PARP4: variants seen among roughly 807,000 people sequenced by gnomAD.
PARP4 encodes the protein poly(ADP-ribose) polymerase family member 4, also known as protein mono-ADP-ribosyltransferase PARP4.
Under a neutral mutation model 187.7 loss-of-function variants are expected in PARP4, and 120 were observed. The observed-to-expected ratio is 0.64, with a 90% CI of 0.55 to 0.74. The LOEUF is 0.74. Among genes scored for constraint, PARP4 ranks in the 30% least tolerant of loss-of-function variants. PARP4 has a pLI of 0.00. For missense variants in PARP4, 1,836 were observed against 2,070.5 expected (o/e 0.89, Z 2.20); for synonymous variants, 654 against 740.9 (o/e 0.88, Z 1.90).
chr13:24,486,629 G>A (rs903207113), intron 10 of PARP4, among the ~76,000 whole-genome samples: 1 of 152,130 alleles, frequency 6.6e-6, no homozygotes, highest in Non-Finnish European at 1.5e-5. Flanking sequence ...AACAGAGCAA[G>A]ACCATGTCTT....
chr13:24,433,970 T>C (rs1227623045), intron 31 of PARP4, among the ~76,000 whole-genome samples: 1 of 152,182 alleles, frequency 6.6e-6, no homozygotes, highest in Non-Finnish European at 1.5e-5. Flanking sequence ...TGTATTCCCA[T>C]GACCTATGTG....
chr13:24,451,340 C>T (rs566769875), intron 24 of PARP4, among the ~76,000 whole-genome samples: 8 of 152,310 alleles, frequency 5.3e-5, no homozygotes, highest in African/African-American at 1.9e-4. Context: ...TCTTCATTGG[C>T]CTGTGATGCT....
chr13:24,496,690 G>A (rs1868975291), intron 6 of PARP4, among the ~76,000 whole-genome samples: 1 of 151,936 alleles, frequency 6.6e-6, no homozygotes, highest in African/African-American at 2.4e-5. Flanking sequence ...GGGCCTCTGT[G>A]AGGGCCACTC....
At chr13:24,486,064 C>A in intron 11 of PARP4, 104 bp downstream of exon 11, 1 of 962,846 alleles carries the variant, frequency 1.0e-6, no homozygotes, top group Non-Finnish European at 1.5e-6. Flanking sequence ...CTGATTTTAA[C>A]TGAAAAGACT....
rs9652082 is a variant in PARP4 at position 24,478,000 on chromosome 13, C to T, written c.1632+93G>A. On this transcript the variant is annotated intron_variant, in intron 13 of 33. Coordinates refer to ENST00000381989, the MANE Select transcript of PARP4 (RefSeq NM_006437.4). ...AGTAAATATATAACAATTATTTAAA[C>T]TTAAGCATATTTAATGAAAATAGGA... 3.3e-3 allele frequency: 3,668 copies of T among 1,095,446 alleles called. 89 individuals are homozygous for T. The African/African-American group carries it at 0.051, about 15-fold the overall frequency. 67.9% of individuals were successfully genotyped at this position (1,095,446 alleles called of 1,614,324 possible).
chr13:24,437,445 C>T (rs1295425808), intron 30 of PARP4, among the ~76,000 whole-genome samples: 6 of 151,696 alleles, frequency 4.0e-5, no homozygotes, highest in Admixed American at 2.6e-4. Flanking sequence ...TGTGGAATAC[C>T]GGGAAACAAA....
At chr13:24,469,257 G>A (rs996701417) in intron 16 of PARP4, 147 bp from the exon 17 acceptor site, 19 of 616,838 alleles carry the variant, frequency 3.1e-5, no homozygotes, top group South Asian at 3.9e-5. Flanking sequence ...AGTGATCATC[G>A]AAATATACTT....
At chr13:24,483,508 A>AAC (rs1255595193) in intron 12 of PARP4, among the ~76,000 whole-genome samples, 2 of 151,050 alleles carry the variant, frequency 1.3e-5, no homozygotes, top group East Asian at 3.9e-4. Context: ...AAAAAAAAAA[A>AAC]AGTTTTTTTT....
intron 32 of PARP4, among the ~76,000 whole-genome samples, chr13:24,428,888 AT>A (rs58747920): frequency 0.59 from 89,811 of 151,984 alleles, 26,666 homozygotes; most frequent in South Asian, 0.66. Flanking sequence ...TCTTTGATCA[AT>A]TTTACAAAAA....
rs1413310775 is a variant in PARP4, at chr13:24,486,797, C to A, written c.1215-492G>T. On this transcript the variant is annotated intron_variant, in intron 10 of 33. Coordinates refer to ENST00000381989, the MANE Select transcript of PARP4 (RefSeq NM_006437.4). Reference sequence around the variant, plus strand: ...TGAAACCCCGTCTCTCCTAAAAATACAAAAATTAGCAGGGCATGGTGGTGC... The same window carrying A: ...TGAAACCCCGTCTCTCCTAAAAATAAAAAAATTAGCAGGGCATGGTGGTGC... Among the ~76,000 whole-genome samples, 13 of 152,184 alleles carry A rather than the reference C, an allele frequency of 8.5e-5. No individual in the cohort carries two copies. In the East Asian group the frequency reaches 2.5e-3, roughly 29 times the overall value.
intron 17 of PARP4, among the ~76,000 whole-genome samples, chr13:24,468,066 T>A (rs977922546): frequency 1.3e-5 from 2 of 152,190 alleles, no homozygotes; most frequent in Non-Finnish European, 2.9e-5. Flanking sequence ...CAAAACACCA[T>A]GGCCATGTGT....
At chr13:24,449,675 AT>A (rs1159105937) in intron 25 of PARP4, 42 bp downstream of exon 25, 1 of 1,066,134 alleles carries the variant, frequency 9.4e-7, no homozygotes, top group Admixed American at 1.8e-5. Context: ...AGAATAAGAG[AT>A]TTCCAAACAT....
At chr13:24,427,904 T>C (rs1390879180) in intron 32 of PARP4, among the ~76,000 whole-genome samples, 1 of 151,150 alleles carries the variant, frequency 6.6e-6, no homozygotes, top group Non-Finnish European at 1.5e-5. Context: ...TAAGCAATAT[T>C]AATAATAAGC....
Position 24,485,116 on chromosome 13 carries a change from G to A in PARP4, c.1353-368C>T, listed in dbSNP as rs137984274. Among the ~76,000 whole-genome samples, 658 of 152,206 alleles carry A rather than the reference G, an allele frequency of 4.3e-3. 7 individuals carry two copies. Among genetic ancestry groups the A allele is most frequent in the African/African-American group, 0.015 (619 of 41,514 alleles). On this transcript the variant is annotated intron_variant, in intron 11 of 33. Coordinates refer to ENST00000381989, the MANE Select transcript of PARP4 (RefSeq NM_006437.4). ...TTTGCTCTGTCTGGAGTTAAAGTAT[G>A]AGAAATGAGGTAAAGGTCCAACTTT...
chr13:24,486,109 T>C, intron 11 of PARP4, 59 bp downstream of exon 11: 1 of 1,498,486 alleles, frequency 6.7e-7, no homozygotes, highest in South Asian at 1.3e-5. Flanking sequence ...AAAAAAGAAG[T>C]AAAACACTTC....
intron 1 of PARP4, among the ~76,000 whole-genome samples, chr13:24,512,431 T>C (rs1486176393): frequency 2.0e-5 from 3 of 152,176 alleles, no homozygotes; most frequent in Non-Finnish European, 4.4e-5. Context: ...AGACTTGGTG[T>C]GACTGTCGGC....
intron 20 of PARP4, among the ~76,000 whole-genome samples, chr13:24,457,358 C>T (rs1871915427): frequency 6.6e-6 from 1 of 152,166 alleles, no homozygotes; most frequent in East Asian, 1.9e-4. Flanking sequence ...TATATTTCCA[C>T]CCTTGAAACT....
Position 24,501,768 on chromosome 13 carries a change from T to TCCC in PARP4, c.198_199insGGG (p.Lys66_Asn67insGly). The TCCC allele has an allele frequency of 1.2e-6, 2 of 1,612,796 alleles. No homozygotes were observed. The highest frequency in any genetic ancestry group is 1.7e-6 in the Non-Finnish European group (2 of 1,178,780). The stretch of plus-strand genomic sequence containing the variant: ...TCTGGGTTTGCAATATGAACGTGGT[T>TCCC]CTTTTGGATAGAATTCAGTTGGTAC... On this transcript the variant is annotated inframe_insertion, in exon 3 of 34. Transcript: ENST00000381989.
At chr13:24,498,784 T>C (rs1229560263) in intron 5 of PARP4, among the ~76,000 whole-genome samples, 2 of 152,264 alleles carry the variant, frequency 1.3e-5, no homozygotes, top group African/African-American at 4.8e-5. Context: ...TTCTTTCTAA[T>C]GCAAAAGGAA....
Sources: gnomAD v4.1 joint callset for allele counts (sites outside exome capture counted in the v4.1 genomes callset) on GRCh38, gnomAD v4.1.1 for gene constraint, MANE v1.5 for transcripts, NCBI Gene and HGNC (gene_info 2026-07-23, HGNC 2026-07-21) for gene names.